The following SRGAP2B variants were observed in gnomAD, a reference collection of about 807,000 sequenced individuals.
SRGAP2B encodes SLIT-ROBO Rho GTPase activating protein 2B.
In SRGAP2B, 9 loss-of-function variants were observed where a neutral mutation model predicts 22.2. That is an observed-to-expected ratio of 0.41 (90% CI 0.24 to 0.71). The LOEUF (loss-of-function observed/expected upper bound fraction) is 0.71. Ranked by LOEUF, SRGAP2B falls within the 30% of genes least tolerant of loss-of-function variation. The pLI is 0.35. For missense variants in SRGAP2B, 114 were observed against 235.8 expected (o/e 0.48, Z 3.38); for synonymous variants, 36 against 87.4 (o/e 0.41, Z 3.28).
At chr1:145,084,030 G>A (rs587646261) in intron 2 of SRGAP2B, among the ~76,000 whole-genome samples, 38 of 133,146 alleles carry the variant, frequency 2.9e-4, no homozygotes, top group African/African-American at 6.0e-4. Flanking sequence ...TCCCAGAAAC[G>A]TTGGGCTTTA....
intron 2 of SRGAP2B, among the ~76,000 whole-genome samples, chr1:145,086,648 A>G (rs1230582659): frequency 1.8e-5 from 1 of 55,484 alleles, no homozygotes; most frequent in Non-Finnish European, 3.6e-5. Flanking sequence ...AGCCACTGCA[A>G]TCCAGCCTGG....
chr1:144,993,034 C>A (rs1670378226), intron 3 of SRGAP2B, among the ~76,000 whole-genome samples: 1 of 151,412 alleles, frequency 6.6e-6, no homozygotes, highest in African/African-American at 2.5e-5. Context: ...ACAGGGAGCA[C>A]CTGAGATGGG....
chr1:144,940,660 G>A (rs1199748369), intron 4 of SRGAP2B, among the ~76,000 whole-genome samples: 1 of 147,374 alleles, frequency 6.8e-6, no homozygotes, highest in Non-Finnish European at 1.5e-5. Context: ...AAACTTAGCT[G>A]GATGTGGTAG....
At chr1:144,992,510 C>A (rs1670329471) in intron 3 of SRGAP2B, among the ~76,000 whole-genome samples, 1 of 145,080 alleles carries the variant, frequency 6.9e-6, no homozygotes, top group African/African-American at 2.7e-5. Flanking sequence ...TCCCCTAAGT[C>A]TTCATTTATC....
intron 2 of SRGAP2B, among the ~76,000 whole-genome samples, chr1:145,000,089 C>T (rs1271454641): frequency 1.4e-5 from 2 of 141,464 alleles, no homozygotes; most frequent in Non-Finnish European, 3.1e-5. Context: ...GTTTCCATTT[C>T]CCCGTGTGTA....
intron 2 of SRGAP2B, among the ~76,000 whole-genome samples, chr1:145,040,588 G>A (rs1553627288): frequency 6.7e-6 from 1 of 149,822 alleles, no homozygotes; most frequent in African/African-American, 2.5e-5. Flanking sequence ...ACAAACCCAT[G>A]GGTATGACTG....
chr1:144,966,956 ATG>A (rs1202129581), intron 3 of SRGAP2B, among the ~76,000 whole-genome samples: 1 of 140,368 alleles, frequency 7.1e-6, no homozygotes, highest in African/African-American at 3.0e-5. Flanking sequence ...CTAAATATAT[ATG>A]CACCCAATAC....
At chr1:145,081,044 G>A (rs1174548142) in intron 2 of SRGAP2B, among the ~76,000 whole-genome samples, 9 of 148,850 alleles carry the variant, frequency 6.0e-5, no homozygotes, top group Non-Finnish European at 1.3e-4. Flanking sequence ...ACTAGGAAAT[G>A]AGGACAATCA....
At chr1:145,082,276 T>C (rs1425731315) in intron 2 of SRGAP2B, among the ~76,000 whole-genome samples, 10 of 144,010 alleles carry the variant, frequency 6.9e-5, no homozygotes, top group African/African-American at 2.9e-4. Flanking sequence ...TAAGGGACCA[T>C]TTTCCTGCTT....
At chr1:145,037,267 C>CT (rs1156236216) in intron 2 of SRGAP2B, among the ~76,000 whole-genome samples, 2 of 43,376 alleles carry the variant, frequency 4.6e-5, no homozygotes, top group African/African-American at 8.0e-5. Context: ...TCCAGTCTGC[C>CT]TTTTTTTTAA....
chr1:144,943,488 T>A (rs1347721591), intron 4 of SRGAP2B, among the ~76,000 whole-genome samples: 2 of 151,092 alleles, frequency 1.3e-5, no homozygotes, highest in Non-Finnish European at 2.9e-5. Context: ...ACATCTACTA[T>A]AAAATTTAAA....
chr1:144,941,583 A>G (rs1320643598), intron 4 of SRGAP2B, among the ~76,000 whole-genome samples: 1 of 150,070 alleles, frequency 6.7e-6, no homozygotes, highest in Non-Finnish European at 1.5e-5. Flanking sequence ...AGAAAAACTA[A>G]AAGACCAGAG....
At chr1:144,993,377 C>T (rs1670413887) in intron 3 of SRGAP2B, among the ~76,000 whole-genome samples, 1 of 150,736 alleles carries the variant, frequency 6.6e-6, no homozygotes, top group African/African-American at 2.5e-5. Flanking sequence ...ACAGATGAAG[C>T]TGACACTGAG....
intron 3 of SRGAP2B, among the ~76,000 whole-genome samples, chr1:144,978,961 CT>C (rs1379584939): frequency 6.6e-6 from 1 of 151,090 alleles, no homozygotes; most frequent in East Asian, 1.9e-4. Context: ...GGTATGTGTG[CT>C]TGGGGACTAG....
At chr1:144,964,949 G>T in intron 3 of SRGAP2B, 7 of 1,038,416 alleles carry the variant, frequency 6.7e-6, no homozygotes, top group Non-Finnish European at 1.1e-5. Flanking sequence ...GGAGGTAGAG[G>T]GAGGACACAG....
In SRGAP2B at chr1:145,015,614, G is replaced by A. The variant is rs587638833; in HGVS notation, c.68-20414C>T. Among the ~76,000 whole-genome samples, 496 of 150,454 alleles carry A rather than the reference G, an allele frequency of 3.3e-3. 45 individuals carry two copies. The highest frequency in any genetic ancestry group is 0.012 in the African/African-American group (472 of 40,058). On this transcript the variant is annotated intron_variant, in intron 2 of 9. Coordinates refer to ENST00000612199, the Ensembl canonical transcript of SRGAP2B. ...TCTAGGGCTCAGCAAGAGGCTCGCAGAGGAGCTAGACGTAAAGGATTGGAA... is the reference window on the plus strand; with the variant it reads ...TCTAGGGCTCAGCAAGAGGCTCGCAAAGGAGCTAGACGTAAAGGATTGGAA...
Position 144,984,366 on chromosome 1 carries a change from A to AACAAC in SRGAP2B, c.260+10641_260+10642insGTTGT, listed in dbSNP as rs1491549431. ...CAACAACAACAACAACAACAACAAC[A>AACAAC]AAAAAAAAAAAACAAAAAAGCCCCT... On this transcript the variant is annotated intron_variant, in intron 3 of 9. Transcript: ENST00000612199. Among the ~76,000 whole-genome samples the AACAAC allele has an allele frequency of 3.8e-4, 19 of 50,290 alleles. 1 individual carries two copies. The highest frequency in any genetic ancestry group is 5.3e-4 in the African/African-American group (12 of 22,744). The allele number at this position is 50,290 out of a possible 152,430, so 33.0% of individuals were successfully genotyped here. A position where few individuals can be genotyped will look rare whatever the true frequency, so the allele number is the denominator to read the frequency against.
intron 2 of SRGAP2B, among the ~76,000 whole-genome samples, chr1:145,015,305 C>G (rs1553622925): frequency 9.2e-6 from 1 of 109,136 alleles, no homozygotes; most frequent in Non-Finnish European, 1.8e-5. Context: ...TCTTGAACTC[C>G]TGGTCTCAAG....
chr1:145,016,747 G>C (rs1316397125), intron 2 of SRGAP2B, among the ~76,000 whole-genome samples: 1 of 138,638 alleles, frequency 7.2e-6, no homozygotes, highest in East Asian at 2.1e-4. Flanking sequence ...AATTTGTCAT[G>C]ATTTTACATG....
Sources: allele counts gnomAD v4.1 joint callset (sites outside exome capture counted in the v4.1 genomes callset), GRCh38; gene constraint gnomAD v4.1.1; transcripts MANE v1.5; gene names NCBI Gene and HGNC (gene_info 2026-07-23, HGNC 2026-07-21).